Variants in TEX10 observed in about 807,000 individuals in gnomAD.
TEX10 encodes the protein testis expressed 10, also known as testis-expressed protein 10.
TEX10 carries 24 observed loss-of-function variants against 104.4 expected under a neutral mutation model. The ratio of observed to expected loss-of-function variants is 0.23; its 90% CI spans 0.17 to 0.32. TEX10 has a LOEUF of 0.32. Ranked by LOEUF, TEX10 falls within the 10% of genes least tolerant of loss-of-function variation. The pLI is 1.00. For missense variants in TEX10, 921 were observed against 1,083.9 expected, an observed-to-expected ratio of 0.85 and a Z score of 2.11; for synonymous variants, 396 against 393.4, an observed-to-expected ratio of 1.01 and a Z score of -0.08.
intron 12 of TEX10, among the ~76,000 whole-genome samples, 171 bp downstream of exon 12, chr9:100,310,128 C>G (rs575112629): frequency 1.3e-5 from 2 of 152,248 alleles, no homozygotes; most frequent in African/African-American, 4.8e-5. Context: ...TAATAACAGC[C>G]AGGAAAAATA....
At chr9:100,316,893 C>CAAA (rs1303267668) in intron 11 of TEX10, among the ~76,000 whole-genome samples, 1 of 17,998 alleles carries the variant, frequency 5.6e-5, no homozygotes, top group African/African-American at 4.7e-4. Context: ...CTTATAATAG[C>CAAA]TAAAAAAAAA....
At chr9:100,302,929 C>CCT (rs1834036302) in intron 14 of TEX10, among the ~76,000 whole-genome samples, 1 of 57,084 alleles carries the variant, frequency 1.8e-5, no homozygotes, top group Non-Finnish European at 3.0e-5. Flanking sequence ...TTTTTAACCG[C>CCT]CCCCCCCCCA....
chr9:100,313,100 C>A (rs1390503918), intron 11 of TEX10, among the ~76,000 whole-genome samples: 1 of 152,132 alleles, frequency 6.6e-6, no homozygotes, highest in South Asian at 2.1e-4. Context: ...ACAACACTGT[C>A]AAAACTGGCT....
chr9:100,331,810 G>C (rs1834868903), intron 5 of TEX10, among the ~76,000 whole-genome samples: 1 of 152,222 alleles, frequency 6.6e-6, no homozygotes, highest in African/African-American at 2.4e-5. Flanking sequence ...CTCCAGACAA[G>C]AGATGGCAAG....
At chr9:100,329,910 G>C (rs1458074567) in intron 6 of TEX10, 21 bp downstream of exon 6, 3 of 1,582,514 alleles carry the variant, frequency 1.9e-6, no homozygotes, top group African/African-American at 1.4e-5. Flanking sequence ...TCTTAAATAA[G>C]GGCAAAGTAG....
intron 11 of TEX10, among the ~76,000 whole-genome samples, chr9:100,314,382 G>A (rs1834361056): frequency 6.6e-6 from 1 of 152,026 alleles, no homozygotes. Context: ...CACTGCGCCC[G>A]GCCTGGAGAT....
intron 13 of TEX10, 56 bp downstream of exon 13, chr9:100,308,444 G>A: frequency 7.1e-7 from 1 of 1,415,296 alleles, no homozygotes; most frequent in Non-Finnish European, 9.5e-7. Flanking sequence ...TTTATTATTT[G>A]GTTGGGGGAG....
chr9:100,311,853 A>C (rs1276299385), intron 11 of TEX10, among the ~76,000 whole-genome samples: 1 of 152,218 alleles, frequency 6.6e-6, no homozygotes. Flanking sequence ...ACATGAAAAA[A>C]CAAGAATGGT....
At chr9:100,335,833 T>TTA (rs1834992197) in intron 5 of TEX10, among the ~76,000 whole-genome samples, 1 of 152,106 alleles carries the variant, frequency 6.6e-6, no homozygotes, top group African/African-American at 2.4e-5. Flanking sequence ...ATGGTTAATG[T>TTA]TATATATATT....
chr9:100,331,184 C>T (rs1430986946), intron 5 of TEX10, among the ~76,000 whole-genome samples: 1 of 152,158 alleles, frequency 6.6e-6, no homozygotes, highest in African/African-American at 2.4e-5. Flanking sequence ...TCACTTGAAC[C>T]CAGGAGGCGG....
At chr9:100,318,035 C>T (rs1834465159) in intron 11 of TEX10, among the ~76,000 whole-genome samples, 1 of 152,178 alleles carries the variant, frequency 6.6e-6, no homozygotes, top group Middle Eastern at 3.4e-3. Context: ...ATTAGTACAA[C>T]CTCTGTGGAA....
chr9:100,347,930 T>G (rs1835343394), intron 2 of TEX10, among the ~76,000 whole-genome samples: 1 of 151,916 alleles, frequency 6.6e-6, no homozygotes, highest in African/African-American at 2.4e-5. Context: ...TCGAAAAATG[T>G]ATATCCTCAC....
chr9:100,337,871 G>T (rs1198339168), intron 5 of TEX10, among the ~76,000 whole-genome samples: 1 of 141,222 alleles, frequency 7.1e-6, no homozygotes, highest in African/African-American at 2.7e-5. Flanking sequence ...AGCTTTGTCT[G>T]TTTATCCTAA....
rs1043120124 is a variant in TEX10, at chr9:100,352,856, C to A, written c.-94G>T. On this transcript the variant is annotated 5_prime_UTR_variant, in exon 1 of 15. Coordinates refer to ENST00000374902, the MANE Select transcript of TEX10 (RefSeq NM_017746.4). The stretch of plus-strand genomic sequence containing the variant: ...CCCACGGGGCAACAGCGTGCGCCGC[C>A]GACCTCAGGCTCTAGCTCCCGGAGC... The A allele has an allele frequency of 6.0e-6, 6 of 1,007,362 alleles. No individual in the cohort carries two copies. In the South Asian group the frequency reaches 1.8e-4, roughly 29 times the overall value. 62.4% of individuals were successfully genotyped at this position (1,007,362 alleles called of 1,614,324 possible).
chr9:100,322,836 A>C (rs911373533), intron 9 of TEX10, among the ~76,000 whole-genome samples: 2 of 152,100 alleles, frequency 1.3e-5, no homozygotes, highest in Non-Finnish European at 1.5e-5. Flanking sequence ...GGCTGGTCTC[A>C]AACCCTTGAC....
intron 7 of TEX10, among the ~76,000 whole-genome samples, chr9:100,328,407 A>G (rs1233646851): frequency 6.6e-6 from 1 of 152,192 alleles, no homozygotes; most frequent in Non-Finnish European, 1.5e-5. Flanking sequence ...TGATTCTATC[A>G]TGGACTTTGC....
chr9:100,311,511 AG>A (rs1443919001), intron 11 of TEX10, among the ~76,000 whole-genome samples: 3 of 152,224 alleles, frequency 2.0e-5, no homozygotes, highest in Non-Finnish European at 4.4e-5. Flanking sequence ...GTGCTATGAC[AG>A]AAAGATCTGA....
rs1835322783 is a variant in TEX10, at chr9:100,347,269, C to T, written c.318G>A (p.Val106=). 2 of 1,614,114 alleles carry T rather than the reference C, an allele frequency of 1.2e-6. No homozygotes were observed. The highest frequency in any genetic ancestry group is 1.3e-5 in the African/African-American group (1 of 75,046). Residue 106 remains valine (V), a synonymous_variant, in exon 3 of 15, where the codon GTG becomes GTA. Coordinates refer to ENST00000374902, the MANE Select transcript of TEX10 (RefSeq NM_017746.4). ...GTACATTAGCATCTTTATCTGTAAA[C>T]ACAGCAGTCACTTCACTTAATATGT... ...LSNILSEVTA[V]FTDKDANVRL...
chr9:100,349,340 T>C lies in TEX10; in HGVS notation c.24A>G (p.Gln8=). Residue 8 remains glutamine, a synonymous_variant, in exon 2 of 15, where the codon CAA becomes CAG. Transcript: ENST00000374902. Reference sequence around the variant, plus strand: ...TCAATTTTACTTTTTGAAAATCATGTTGGCGTTTTCTTTTTTTAGTCATTC... The same window carrying C: ...TCAATTTTACTTTTTGAAAATCATGCTGGCGTTTTCTTTTTTTAGTCATTC... The part of the protein sequence containing the change: MTKKRKR[Q]HDFQKVKLKV... 1 of 1,588,750 alleles carries C rather than the reference T, an allele frequency of 6.3e-7. No individual in the cohort carries two copies. Among genetic ancestry groups the C allele is most frequent in the South Asian group, 1.2e-5 (1 of 85,218 alleles).
Sources: allele counts gnomAD v4.1 joint callset (sites outside exome capture counted in the v4.1 genomes callset), GRCh38; gene constraint gnomAD v4.1.1; transcripts MANE v1.5; gene names NCBI Gene and HGNC (gene_info 2026-07-23, HGNC 2026-07-21).